The following ROR1 variants were observed in gnomAD, a reference collection of about 807,000 sequenced individuals.
ROR1 encodes inactive tyrosine-protein kinase transmembrane receptor ROR1.
ROR1 carries 19 observed loss-of-function variants against 78.8 expected under a neutral mutation model. The observed-to-expected ratio is 0.24, with a 90% CI of 0.17 to 0.35. ROR1 has a LOEUF of 0.35. ROR1 is among the 10% of genes least tolerant of loss of function. The pLI is 1.00. For synonymous variants in ROR1, 386 were observed against 433.6 expected, an observed-to-expected ratio of 0.89 and a Z score of 1.36; for missense variants, 917 against 1,177.8, an observed-to-expected ratio of 0.78 and a Z score of 3.24.
intron 1 of ROR1, among the ~76,000 whole-genome samples, chr1:63,968,719 CA>C (rs1646095752): frequency 6.6e-6 from 1 of 152,150 alleles, no homozygotes; most frequent in Admixed American, 6.5e-5. Context: ...CTAACTATAG[CA>C]TCTGTTGGAC....
chr1:63,999,652 T>C (rs1256747077), intron 1 of ROR1, among the ~76,000 whole-genome samples: 1 of 152,224 alleles, frequency 6.6e-6, no homozygotes, highest in Non-Finnish European at 1.5e-5. Flanking sequence ...AGCACTTAGC[T>C]AGTCTGGAAC....
intron 1 of ROR1, among the ~76,000 whole-genome samples, chr1:63,908,763 T>A (rs145814555): frequency 9.8e-4 from 149 of 152,292 alleles, no homozygotes; most frequent in African/African-American, 3.4e-3. Context: ...AGGGGAAAAC[T>A]GCAGCTCAGT....
intron 4 of ROR1, among the ~76,000 whole-genome samples, chr1:64,072,811 G>T (rs1422740080): frequency 1.3e-5 from 2 of 152,054 alleles, no homozygotes; most frequent in East Asian, 3.9e-4. Context: ...GGGCTTCGTG[G>T]ATAGTATCCT....
intron 1 of ROR1, among the ~76,000 whole-genome samples, chr1:63,903,451 C>G (rs888439785): frequency 4.0e-5 from 6 of 151,444 alleles, no homozygotes; most frequent in Non-Finnish European, 8.8e-5. Context: ...TTTTTACCCA[C>G]TTCACTGATT....
intron 7 of ROR1, among the ~76,000 whole-genome samples, chr1:64,157,569 A>G (rs1163094772): frequency 2.0e-5 from 3 of 152,204 alleles, no homozygotes; most frequent in Admixed American, 1.3e-4. Flanking sequence ...CTGATATGCC[A>G]TATCTCACCT....
At chr1:64,026,364 A>T (rs1417934996) in intron 2 of ROR1, among the ~76,000 whole-genome samples, 1 of 152,208 alleles carries the variant, frequency 6.6e-6, no homozygotes, top group East Asian at 1.9e-4. Context: ...TTTGAGACAG[A>T]CAAAGCTAAA....
chr1:64,093,321 G>A (rs954104438), intron 4 of ROR1, among the ~76,000 whole-genome samples: 1 of 152,074 alleles, frequency 6.6e-6, no homozygotes, highest in African/African-American at 2.4e-5. Flanking sequence ...TCTGGCTCTG[G>A]GGGTAGCTCG....
chr1:64,052,050 A>G (rs1399451013), intron 4 of ROR1, among the ~76,000 whole-genome samples: 2 of 152,258 alleles, frequency 1.3e-5, no homozygotes, highest in Non-Finnish European at 2.9e-5. Flanking sequence ...AGCCAGTTAA[A>G]GGCAACTGTA....
At chr1:64,028,210 T>G (rs1172801385) in intron 2 of ROR1, among the ~76,000 whole-genome samples, 4 of 152,218 alleles carry the variant, frequency 2.6e-5, no homozygotes, top group Non-Finnish European at 2.9e-5. Flanking sequence ...TTTGTCACAT[T>G]AATTCACTCA....
In ROR1 at chr1:63,919,777, G is replaced by A. The variant is rs117261903; in HGVS notation, c.92-89528G>A. 8.7e-4 allele frequency among the ~76,000 whole-genome samples: 132 copies of A among 152,250 alleles called. 3 individuals carry two copies. The East Asian group carries it at 0.024, about 28-fold the overall frequency. On this transcript the variant is annotated intron_variant, in intron 1 of 8. Coordinates refer to ENST00000371079, the MANE Select transcript of ROR1 (RefSeq NM_005012.4). ...TAATGCACCTAAAGCATTTAGCACA[G>A]CTGTCAGCACTTATTGAGTATTGAC...
chr1:64,111,977 G>A (rs184737688), intron 4 of ROR1: 1 of 152,266 alleles, frequency 6.6e-6, no homozygotes, highest in Admixed American at 6.5e-5. Context: ...TGCAGCAACA[G>A]CCTCACCTTC....
At chr1:64,142,678 ATTCAATC>A (rs1386861586) in intron 7 of ROR1, 28 bp downstream of exon 7, 1 of 1,611,198 alleles carries the variant, frequency 6.2e-7, no homozygotes, top group Non-Finnish European at 8.5e-7. Context: ...CCCCTAATGT[ATTCAATC>A]ATCTTTAAAG....
At chr1:64,135,670 G>A (rs1284994887) in intron 4 of ROR1, among the ~76,000 whole-genome samples, 1 of 152,134 alleles carries the variant, frequency 6.6e-6, no homozygotes, top group African/African-American at 2.4e-5. Context: ...AAGCCAAAAA[G>A]GCTTCAGCAT....
rs547435473 is a variant in ROR1, at chr1:63,865,680, G to A, written c.91+91172G>A. Among the ~76,000 whole-genome samples the A allele has an allele frequency of 5.3e-5, 8 of 152,302 alleles. No individual in the cohort carries two copies. In the East Asian group the frequency reaches 5.8e-4, roughly 11 times the overall value. Reference sequence around the variant, plus strand: ...AGTAAGCACTTGATAAATGATGCTCGTGTTATTGATTGTCATCATCATCAT... The same window carrying A: ...AGTAAGCACTTGATAAATGATGCTCATGTTATTGATTGTCATCATCATCAT... On this transcript the variant is annotated intron_variant, in intron 1 of 8. Coordinates refer to ENST00000371079, the MANE Select transcript of ROR1 (RefSeq NM_005012.4).
chr1:63,808,560 A>C (rs78859856), intron 1 of ROR1, among the ~76,000 whole-genome samples: 1 of 152,232 alleles, frequency 6.6e-6, no homozygotes, highest in Non-Finnish European at 1.5e-5. Flanking sequence ...AAATGGATGA[A>C]TGAATTTCTG....
intron 1 of ROR1, among the ~76,000 whole-genome samples, chr1:64,000,336 C>T (rs181550457): frequency 3.3e-5 from 5 of 152,302 alleles, no homozygotes; most frequent in African/African-American, 9.6e-5. Context: ...CTGCAGCATG[C>T]CTCCTCCCTT....
intron 1 of ROR1, among the ~76,000 whole-genome samples, chr1:63,919,505 T>G (rs1455959918): frequency 2.3e-5 from 3 of 132,268 alleles, no homozygotes; most frequent in Non-Finnish European, 5.0e-5. Context: ...TTTTTTTTTT[T>G]GCACTAGATA....
At chr1:64,139,166 A>G (rs942497371) in intron 5 of ROR1, among the ~76,000 whole-genome samples, 1 of 141,032 alleles carries the variant, frequency 7.1e-6, no homozygotes, top group African/African-American at 2.7e-5. Flanking sequence ...GACTGTCTCA[A>G]AAAAAAAAAA....
intron 1 of ROR1, among the ~76,000 whole-genome samples, chr1:63,951,506 G>A (rs192354031): frequency 2.2e-4 from 34 of 152,302 alleles, no homozygotes; most frequent in Admixed American, 2.0e-3. Context: ...AACTTTGAAC[G>A]GAGGCCTGGC....
Sources: allele counts gnomAD v4.1 joint callset (sites outside exome capture counted in the v4.1 genomes callset), GRCh38; gene constraint gnomAD v4.1.1; transcripts MANE v1.5; gene names NCBI Gene and HGNC (gene_info 2026-07-23, HGNC 2026-07-21).